Variants in UBR3 observed in about 807,000 individuals in gnomAD.
UBR3 encodes E3 ubiquitin-protein ligase UBR3.
Under a neutral mutation model 243.2 loss-of-function variants are expected in UBR3, and 85 were observed. The observed-to-expected ratio is 0.35, with a 90% CI of 0.29 to 0.42. The LOEUF (loss-of-function observed/expected upper bound fraction) is 0.42. Among genes scored for constraint, UBR3 ranks in the 10% least tolerant of loss-of-function variants. UBR3 has a pLI of 1.00. For missense variants in UBR3, 1,686 were observed against 2,300.8 expected, an observed-to-expected ratio of 0.73 and a Z score of 5.47; for synonymous variants, 748 against 799.8, an observed-to-expected ratio of 0.94 and a Z score of 1.09.
chr2:169,914,168 G>A (rs2085362266), intron 11 of UBR3, 22 bp downstream of exon 11: 1 of 1,397,376 alleles, frequency 7.2e-7, no homozygotes, highest in Non-Finnish European at 9.5e-7. Context: ...TTTGATGTAT[G>A]TAAATTTTTT....
chr2:169,917,501 C>G (rs964277021), intron 11 of UBR3, among the ~76,000 whole-genome samples: 2 of 152,130 alleles, frequency 1.3e-5, no homozygotes, highest in African/African-American at 4.8e-5. Context: ...ATTAATCATG[C>G]TTGGAATCAT....
rs549245430 is a variant in UBR3 at position 170,008,431 on chromosome 2, G to A, written c.4231-373G>A. On this transcript the variant is annotated intron_variant, in intron 28 of 38. Transcript: ENST00000272793. ...GTGTTTAAAATATGCTTAAACTTAC[G>A]GGACATTGATATTATTCTTTGAAAA... 7.9e-5 allele frequency among the ~76,000 whole-genome samples: 12 copies of A among 152,068 alleles called. No homozygotes were observed. In the South Asian group the frequency reaches 2.3e-3, roughly 29 times the overall value.
chr2:170,064,191 T>C (rs1277610144), intron 35 of UBR3, among the ~76,000 whole-genome samples: 1 of 152,190 alleles, frequency 6.6e-6, no homozygotes, highest in Non-Finnish European at 1.5e-5. Flanking sequence ...AAAAATTGGG[T>C]TTCTGTGATT....
In UBR3 at chr2:169,905,309, C is replaced by G. The variant is rs1324834471; in HGVS notation, c.1645+16C>G. 6.9e-7 allele frequency: 1 copy of G among 1,445,852 alleles called. No individual in the cohort carries two copies. Among genetic ancestry groups the G allele is most frequent in the Non-Finnish European group, 9.1e-7 (1 of 1,097,854 alleles). 89.6% of individuals were successfully genotyped at this position (1,445,852 alleles called of 1,614,324 possible). A position where few individuals can be genotyped will look rare whatever the true frequency, so the allele number is the denominator to read the frequency against. On this transcript the variant is annotated intron_variant, in intron 9 of 38. Coordinates refer to ENST00000272793, the MANE Select transcript of UBR3 (RefSeq NM_172070.4). ...TTCTTTCAAGGTATGAATTTTATCCCTTTGTTAATTTTTTGGTTTACAAAA... is the reference window on the plus strand; with the variant it reads ...TTCTTTCAAGGTATGAATTTTATCCGTTTGTTAATTTTTTGGTTTACAAAA...
intron 1 of UBR3, among the ~76,000 whole-genome samples, chr2:169,860,655 G>A (rs952954396): frequency 6.6e-6 from 1 of 152,066 alleles, no homozygotes; most frequent in African/African-American, 2.4e-5. Context: ...GGTTAAGAAC[G>A]ATTGGTATTT....
rs541431722 is a variant in UBR3, at chr2:169,849,130, A to G, written c.545+21078A>G. 7.5e-3 allele frequency among the ~76,000 whole-genome samples: 1,144 copies of G among 152,280 alleles called. 11 individuals are homozygous for G. Among genetic ancestry groups the G allele is most frequent in the Non-Finnish European group, 0.01 (702 of 68,010 alleles). On this transcript the variant is annotated intron_variant, in intron 1 of 38. Transcript: ENST00000272793. ...GAGTCGGCCACTTGTCCGTTCACAG[A>G]TGAGGAGAGGTCTTTCATGAAGCTT...
At chr2:170,032,464 A>T (rs773103581) in intron 31 of UBR3, among the ~76,000 whole-genome samples, 1 of 151,954 alleles carries the variant, frequency 6.6e-6, no homozygotes, top group African/African-American at 2.4e-5. Context: ...GTTGCAGTAA[A>T]GTACTGTGTA....
intron 1 of UBR3, among the ~76,000 whole-genome samples, chr2:169,849,617 T>C (rs923717479): frequency 1.3e-5 from 2 of 152,212 alleles, no homozygotes; most frequent in African/African-American, 4.8e-5. Flanking sequence ...TAGGAACTTT[T>C]AGCTTGTTTT....
At chr2:169,921,377 G>C (rs1048472912) in intron 11 of UBR3, among the ~76,000 whole-genome samples, 1 of 152,154 alleles carries the variant, frequency 6.6e-6, no homozygotes, top group Non-Finnish European at 1.5e-5. Context: ...ACTATAGAGT[G>C]AAGAATGGAA....
intron 19 of UBR3, among the ~76,000 whole-genome samples, chr2:169,937,285 G>T (rs184358901): frequency 4.9e-4 from 75 of 152,280 alleles, no homozygotes; most frequent in African/African-American, 1.7e-3. Flanking sequence ...TCATATGTCT[G>T]TTGGCTGCAT....
intron 11 of UBR3, among the ~76,000 whole-genome samples, chr2:169,914,837 A>G (rs191202833): frequency 4.5e-4 from 60 of 134,508 alleles, no homozygotes; most frequent in African/African-American, 1.6e-3. Flanking sequence ...AGGGCAGGCA[A>G]ATTTTATCTC....
rs1003418054 is a variant in UBR3, at chr2:170,083,383, A to T, written c.*1540A>T. ...GCTTGCTATTTTTATATACATTTCC[A>T]AAATATTAAGATAACTTTCTGTAAG... On this transcript the variant is annotated 3_prime_UTR_variant, in exon 39 of 39. Coordinates refer to ENST00000272793, the MANE Select transcript of UBR3 (RefSeq NM_172070.4). 2 of 152,622 alleles carry T rather than the reference A, an allele frequency of 1.3e-5. No homozygotes were observed. Among genetic ancestry groups the T allele is most frequent in the African/African-American group, 4.8e-5 (2 of 41,472 alleles). The allele number at this position is 152,622 out of a possible 1,614,324, so 9.5% of individuals were successfully genotyped here. A position where few individuals can be genotyped will look rare whatever the true frequency, so the allele number is the denominator to read the frequency against.
chr2:170,022,920 A>G (rs1161330392), intron 30 of UBR3, among the ~76,000 whole-genome samples: 1 of 151,950 alleles, frequency 6.6e-6, no homozygotes, highest in African/African-American at 2.4e-5. Context: ...ACCTCATTTA[A>G]AGAGCTCTTT....
At chr2:169,939,399 C>CA (rs2086482690) in intron 19 of UBR3, among the ~76,000 whole-genome samples, 1 of 150,856 alleles carries the variant, frequency 6.6e-6, no homozygotes, top group Non-Finnish European at 1.5e-5. Context: ...GCTGGGACTA[C>CA]AGGCGCCTGC....
At chr2:169,841,141 T>C (rs2082274287) in intron 1 of UBR3, among the ~76,000 whole-genome samples, 1 of 152,200 alleles carries the variant, frequency 6.6e-6, no homozygotes, top group Admixed American at 6.5e-5. Flanking sequence ...TTTTATTCTT[T>C]ACCTGGCCTG....
chr2:169,940,108 A>C (rs754286207), intron 19 of UBR3, among the ~76,000 whole-genome samples: 1 of 152,158 alleles, frequency 6.6e-6, no homozygotes, highest in African/African-American at 2.4e-5. Context: ...TGATCAAATC[A>C]GGGAAATTGG....
intron 27 of UBR3, among the ~76,000 whole-genome samples, chr2:170,004,441 G>A (rs4668190): frequency 0.17 from 25,141 of 152,070 alleles, 2,245 homozygotes; most frequent in Admixed American, 0.22. Flanking sequence ...GAAAGTAGCT[G>A]GAAGGATTGA....
chr2:169,994,585 A>G, intron 26 of UBR3, 129 bp downstream of exon 26: 1 of 974,434 alleles, frequency 1.0e-6, no homozygotes. Flanking sequence ...AAAAAAATTA[A>G]TATGTGGATA....
At chr2:169,969,398 C>A (rs2087980638) in intron 24 of UBR3, among the ~76,000 whole-genome samples, 1 of 152,096 alleles carries the variant, frequency 6.6e-6, no homozygotes. Context: ...TTTCATTTTT[C>A]TGCTTACAGA....
Sources: gnomAD v4.1 joint callset for allele counts (sites outside exome capture counted in the v4.1 genomes callset) on GRCh38, gnomAD v4.1.1 for gene constraint, MANE v1.5 for transcripts, NCBI Gene and HGNC (gene_info 2026-07-23, HGNC 2026-07-21) for gene names.